USP6: variants seen among roughly 807,000 people sequenced by gnomAD.
The protein encoded by USP6 is ubiquitin carboxyl-terminal hydrolase 6.
A neutral mutation model predicts 175.7 loss-of-function variants in USP6; 128 were observed. That is an observed-to-expected ratio of 0.73 (90% confidence interval 0.63 to 0.84). The LOEUF (loss-of-function observed/expected upper bound fraction) is 0.84, where lower values mean the gene tolerates loss of function less well. USP6 is among the 40% of genes least tolerant of loss of function. The pLI is 0.00. For missense variants in USP6, 1,498 were observed against 1,760.3 expected, an observed-to-expected ratio of 0.85 and a Z score of 2.67; for synonymous variants, 562 against 630.6, an observed-to-expected ratio of 0.89 and a Z score of 1.63.
chr17:5,145,929 A>G (rs2073595086), intron 27 of USP6, 94 bp from the exon 28 acceptor site: 7 of 1,399,188 alleles, frequency 5.0e-6, no homozygotes, highest in Non-Finnish European at 6.5e-6. Flanking sequence ...AATATTTGCT[A>G]TTATATTTAC....
At chr17:5,146,300 A>C (rs2073609308) in intron 28 of USP6, 126 bp downstream of exon 28, 5 of 1,345,930 alleles carry the variant, frequency 3.7e-6, no homozygotes, top group African/African-American at 1.5e-5. Context: ...AAAACTGAAC[A>C]ACAACAAAAA....
intron 25 of USP6, among the ~76,000 whole-genome samples, chr17:5,144,283 T>TAG (rs1255625142): frequency 1.3e-5 from 2 of 149,510 alleles, no homozygotes; most frequent in Non-Finnish European, 3.0e-5. Flanking sequence ...ATATACACAT[T>TAG]ATTTTATGCA....
intron 20 of USP6, 33 bp from the exon 21 acceptor site, chr17:5,138,088 A>G (rs778954764): frequency 1.8e-5 from 29 of 1,612,564 alleles, no homozygotes; most frequent in Non-Finnish European, 2.2e-5. Context: ...TTCCCAGGGA[A>G]CTCTCCTGGC....
Position 5,133,457 on chromosome 17 carries a change from G to A in USP6, c.291G>A (p.Val97=), listed in dbSNP as rs1355528198. 2 of 1,611,482 alleles carry A rather than the reference G, an allele frequency of 1.2e-6. No homozygotes were observed. Among genetic ancestry groups the A allele is most frequent in the Middle Eastern group, 2.2e-4 (1 of 4,446 alleles). ...TCTGCCCACAGCTCATAGATCGAGT[G>A]TACAAGGGAATTCCCATGAACATCC... ...YKHSSKLIDR[V]YKGIPMNIRG... Residue 97 remains valine, a synonymous_variant, in exon 14 of 38, where the codon GTG becomes GTA. Transcript: ENST00000574788.
chr17:5,140,805 T>C lies in USP6; in HGVS notation c.1499-620T>C, dbSNP rs2073423573. On this transcript the variant is annotated intron_variant, in intron 22 of 37. Transcript: ENST00000574788. ...GCTGAATGGTAGAGCTGATTACTCA[T>C]ACACAAGGGTAGACCTGTGGGCAGG... Among the ~76,000 whole-genome samples the C allele has an allele frequency of 2.0e-5, 3 of 152,166 alleles. 1 individual carries two copies. The highest frequency in any genetic ancestry group is 4.4e-5 in the Non-Finnish European group (3 of 68,036).
intron 28 of USP6, among the ~76,000 whole-genome samples, chr17:5,146,495 CA>C (rs2073615688): frequency 6.6e-6 from 1 of 152,170 alleles, no homozygotes. Context: ...GCTGCTGTTA[CA>C]CTTCACAGCT....
At chr17:5,142,993 C>A (rs1197061382) in intron 25 of USP6, among the ~76,000 whole-genome samples, 1 of 152,204 alleles carries the variant, frequency 6.6e-6, no homozygotes, top group Non-Finnish European at 1.5e-5. Context: ...GAATTCAAGA[C>A]CAGCTTGGGC....
Position 5,145,471 on chromosome 17 carries a change from T to C in USP6, c.2059T>C (p.Ser687Pro). ...GGATTTGTTCCATGGGCAGCTAAGATCTCAAGTCAAATGCAAGACATGTGG... is the reference window on the plus strand; with the variant it reads ...GGATTTGTTCCATGGGCAGCTAAGACCTCAAGTCAAATGCAAGACATGTGG... ...IVDLFHGQLR[S>P]QVKCKTCGHI... is the part of the protein sequence containing the mutation. Residue 687 changes from serine (S) to proline (P), a missense_variant, in exon 27 of 38, where the codon TCT (serine) becomes CCT (proline). Transcript: ENST00000574788. 1 of 1,613,088 alleles carries C rather than the reference T, an allele frequency of 6.2e-7. No homozygotes were observed. The highest frequency in any genetic ancestry group is 1.1e-5 in the South Asian group (1 of 90,938).
At chr17:5,145,004 C>A in intron 26 of USP6, 141 bp downstream of exon 26, 1 of 1,280,606 alleles carries the variant, frequency 7.8e-7, no homozygotes, top group Non-Finnish European at 1.0e-6. Context: ...TATTTCTATG[C>A]TTAATTGTTA....
intron 16 of USP6, 76 bp downstream of exon 16, chr17:5,135,358 T>C: frequency 6.4e-7 from 1 of 1,560,888 alleles, no homozygotes; most frequent in South Asian, 1.1e-5. Flanking sequence ...GGGGGTGTCG[T>C]TGCTTCTTTT....
chr17:5,159,132 G>A (rs2073955237), intron 31 of USP6, among the ~76,000 whole-genome samples: 1 of 152,182 alleles, frequency 6.6e-6, no homozygotes, highest in Non-Finnish European at 1.5e-5. Context: ...TATTTTCAGG[G>A]ACAGTGGGTA....
chr17:5,139,869 A>T (rs1211916977), intron 22 of USP6, among the ~76,000 whole-genome samples, 195 bp downstream of exon 22: 1 of 152,186 alleles, frequency 6.6e-6, no homozygotes, highest in Non-Finnish European at 1.5e-5. Context: ...TTCTAGAAGC[A>T]TCTGGGCCAG....
In USP6 at chr17:5,142,048, C is replaced by T. The variant is rs767314669; in HGVS notation, c.1619C>T (p.Thr540Ile). The T allele has an allele frequency of 6.2e-7, 1 of 1,613,912 alleles. No individual in the cohort carries two copies. Among genetic ancestry groups the T allele is most frequent in the Non-Finnish European group, 8.5e-7 (1 of 1,179,832 alleles). Residue 540 changes from threonine to isoleucine, a missense_variant, in exon 24 of 38, where the codon ACA becomes ATA. Transcript: ENST00000574788. ...GATGLSNLGN[T>I]CFMNSSIQCV... is the part of the protein sequence containing the mutation. Reference sequence around the variant, plus strand: ...ACAGGTCTAAGCAACCTGGGAAACACATGCTTCATGAACTCAAGCATCCAG... The same window carrying T: ...ACAGGTCTAAGCAACCTGGGAAACATATGCTTCATGAACTCAAGCATCCAG...
intron 8 of USP6, chr17:5,129,588 C>T (rs2072996875): frequency 6.6e-6 from 1 of 152,344 alleles, no homozygotes; most frequent in Non-Finnish European, 1.5e-5. Flanking sequence ...TCTGTCTGGC[C>T]TCGCTTTCCT....
At position 5,116,272 on chromosome 17, in the gene USP6, C is replaced by G. The variant is rs976727849; in HGVS notation, c.-2396C>G. Among the ~76,000 whole-genome samples the G allele has an allele frequency of 1.3e-5, 2 of 151,930 alleles. No individual in the cohort carries two copies. The highest frequency in any genetic ancestry group is 4.9e-5 in the African/African-American group (2 of 41,214). Reference sequence around the variant, plus strand: ...TCTCTGCTCGACGCCACTCCCGGCCCCGCTCCGGGCGGCCCCCCTCACCAC... The same window carrying G: ...TCTCTGCTCGACGCCACTCCCGGCCGCGCTCCGGGCGGCCCCCCTCACCAC... On this transcript the variant is annotated 5_prime_UTR_variant, in exon 1 of 38. Transcript: ENST00000574788.
intron 28 of USP6, among the ~76,000 whole-genome samples, chr17:5,146,624 A>G (rs764898708): frequency 8.5e-5 from 13 of 152,206 alleles, no homozygotes; most frequent in Non-Finnish European, 1.9e-4. Flanking sequence ...ACAAATTGAC[A>G]CCAATCATGT....
chr17:5,117,888 G>A (rs1358953378), intron 1 of USP6, among the ~76,000 whole-genome samples: 5 of 152,044 alleles, frequency 3.3e-5, no homozygotes, highest in Admixed American at 3.3e-4. Context: ...AGGAGTTTAA[G>A]ACCAGGCTGG....
At position 5,130,482 on chromosome 17, in the gene USP6, C is replaced by A. The variant is rs138237036; in HGVS notation, c.72+43C>A. On this transcript the variant is annotated intron_variant, in intron 10 of 37. Transcript: ENST00000574788. Reference sequence around the variant, plus strand: ...CCTTGGAGGGAGGCCTCTTCCAGTGCGCCCTGGTCAAAGGGTCCTGGGTTC... The same window carrying A: ...CCTTGGAGGGAGGCCTCTTCCAGTGAGCCCTGGTCAAAGGGTCCTGGGTTC... The A allele has an allele frequency of 1.7e-5, 28 of 1,612,300 alleles. No individual in the cohort carries two copies. In the Admixed American group the frequency reaches 3.7e-4, roughly 21 times the overall value.
intron 29 of USP6, among the ~76,000 whole-genome samples, chr17:5,147,411 A>T (rs1287971788): frequency 6.6e-6 from 1 of 152,214 alleles, no homozygotes; most frequent in African/African-American, 2.4e-5. Context: ...GTTAGCTAAT[A>T]TACCCTTGGA....
Sources: gnomAD v4.1 joint callset for allele counts (sites outside exome capture counted in the v4.1 genomes callset) on GRCh38, gnomAD v4.1.1 for gene constraint, MANE v1.5 for transcripts, NCBI Gene and HGNC (gene_info 2026-07-23, HGNC 2026-07-21) for gene names.